Variants in CCDC18 observed in about 807,000 individuals in gnomAD.
CCDC18 encodes coiled-coil domain-containing protein 18.
CCDC18 carries 157 observed loss-of-function variants against 196.0 expected under a neutral mutation model. That is an observed-to-expected ratio of 0.80 (90% CI 0.70 to 0.91). The LOEUF (loss-of-function observed/expected upper bound fraction) is 0.91, where lower values mean the gene tolerates loss of function less well. Ranked by LOEUF, CCDC18 falls within the 40% of genes least tolerant of loss-of-function variation. The pLI is 0.00. For missense variants in CCDC18, 1,465 were observed against 1,611.6 expected, an observed-to-expected ratio of 0.91 and a Z score of 1.56; for synonymous variants, 482 against 529.2, an observed-to-expected ratio of 0.91 and a Z score of 1.22.
chr1:93,270,205 G>A (rs1381243934), intron 27 of CCDC18, 142 bp from the exon 28 acceptor site: 4 of 606,492 alleles, frequency 6.6e-6, no homozygotes, highest in African/African-American at 5.6e-5. Flanking sequence ...TTTAAACAGA[G>A]CTTGGAAAAC....
At chr1:93,271,196 G>A (rs1376823065) in intron 28 of CCDC18, 1 of 985,374 alleles carries the variant, frequency 1.0e-6, no homozygotes, top group Non-Finnish European at 1.2e-6. Context: ...ATAATTTACT[G>A]TTCATTTGGG....
intron 26 of CCDC18, among the ~76,000 whole-genome samples, chr1:93,261,642 A>G (rs1014071517): frequency 3.9e-5 from 6 of 152,162 alleles, no homozygotes; most frequent in African/African-American, 1.4e-4. Flanking sequence ...TGGTCCCCCA[A>G]GCCACATCAA....
intron 23 of CCDC18, among the ~76,000 whole-genome samples, chr1:93,251,277 A>G (rs1197095259): frequency 6.6e-6 from 1 of 152,168 alleles, no homozygotes. Flanking sequence ...TTGGTGTTCC[A>G]ATTAAATTGT....
chr1:93,241,868 T>C (rs1253927522), intron 21 of CCDC18, among the ~76,000 whole-genome samples: 1 of 151,916 alleles, frequency 6.6e-6, no homozygotes, highest in African/African-American at 2.4e-5. Context: ...ATACCAAGGA[T>C]GGTCATTTTT....
chr1:93,259,871 A>G (rs1433896496), intron 26 of CCDC18, among the ~76,000 whole-genome samples: 2 of 152,182 alleles, frequency 1.3e-5, no homozygotes, highest in African/African-American at 4.8e-5. Context: ...CTTTCATTAT[A>G]TGGCCTCTGT....
chr1:93,245,442 T>C lies in CCDC18; in HGVS notation c.2982-663T>C, dbSNP rs142589987. On this transcript the variant is annotated intron_variant, in intron 21 of 28. Transcript: ENST00000690025. ...TTTCATATTTCAGACTGGAAAATCA[T>C]ATGAAGATTTTCAAGATCAACATTT... 5.9e-5 allele frequency among the ~76,000 whole-genome samples: 9 copies of C among 152,266 alleles called. No homozygotes were observed. The East Asian group carries it at 1.7e-3, about 29-fold the overall frequency.
Position 93,270,833 on chromosome 1 carries a change from G to C in CCDC18, c.4353+19G>C. ...AAATCAGGTATGTATTTTATACACT[G>C]TAAACTGTAATAATTTGTTTCCAAA... On this transcript the variant is annotated intron_variant, in intron 28 of 28. Transcript: ENST00000690025. 1 of 1,404,172 alleles carries C rather than the reference G, an allele frequency of 7.1e-7. No homozygotes were observed. The highest frequency in any genetic ancestry group is 9.4e-7 in the Non-Finnish European group (1 of 1,069,370). 87.0% of individuals were successfully genotyped at this position (1,404,172 alleles called of 1,614,324 possible). A position where few individuals can be genotyped will look rare whatever the true frequency, so the allele number is the denominator to read the frequency against.
At chr1:93,265,582 G>A (rs898806520) in intron 27 of CCDC18, among the ~76,000 whole-genome samples, 4 of 152,032 alleles carry the variant, frequency 2.6e-5, no homozygotes, top group Non-Finnish European at 4.4e-5. Context: ...CTCTACAACT[G>A]TTTTGTTAAT....
intron 9 of CCDC18, among the ~76,000 whole-genome samples, chr1:93,209,785 AGGCACAGT>A (rs1242602308): frequency 6.6e-6 from 1 of 152,212 alleles, no homozygotes; most frequent in African/African-American, 2.4e-5. Flanking sequence ...ATATATGGTC[AGGCACAGT>A]GGCTCCTGCT....
chr1:93,231,419 T>C (rs900608070), intron 17 of CCDC18, among the ~76,000 whole-genome samples: 2 of 152,162 alleles, frequency 1.3e-5, no homozygotes, highest in East Asian at 1.9e-4. Context: ...TTTAACTTTA[T>C]AAATTTTTAT....
chr1:93,267,589 G>A (rs1339313051), intron 27 of CCDC18, among the ~76,000 whole-genome samples: 1 of 152,200 alleles, frequency 6.6e-6, no homozygotes, highest in Non-Finnish European at 1.5e-5. Flanking sequence ...CTTCAGCAAA[G>A]TCTCAGGATA....
chr1:93,192,131 A>T (rs752035661), intron 5 of CCDC18, 25 bp downstream of exon 5: 4 of 1,432,908 alleles, frequency 2.8e-6, no homozygotes. Context: ...TATAGCTCTC[A>T]AAGTTTTATT....
At chr1:93,217,229 C>T (rs12088338) in intron 13 of CCDC18, among the ~76,000 whole-genome samples, 26,247 of 152,052 alleles carry the variant, frequency 0.17, 2,497 homozygotes, top group African/African-American at 0.22. Context: ...CCACCGCACC[C>T]GGCCGTTTTC....
At chr1:93,186,027 G>C (rs1346359620) in intron 3 of CCDC18, among the ~76,000 whole-genome samples, 2 of 151,922 alleles carry the variant, frequency 1.3e-5, no homozygotes, top group Non-Finnish European at 2.9e-5. Flanking sequence ...ACGTGAAAAA[G>C]TACAAAAGTT....
intron 25 of CCDC18, among the ~76,000 whole-genome samples, chr1:93,257,244 A>AAAC (rs1557700060): frequency 4.1e-5 from 6 of 144,726 alleles, no homozygotes; most frequent in Non-Finnish European, 7.5e-5. Context: ...AAAAAAAAAA[A>AAAC]AAAAAAAAAA....
intron 17 of CCDC18, among the ~76,000 whole-genome samples, chr1:93,227,196 T>TTTTAGTAGA (rs869252437): frequency 6.9e-6 from 1 of 144,138 alleles, no homozygotes; most frequent in African/African-American, 2.8e-5. Flanking sequence ...TTTTTTTTTT[T>TTTTAGTAGA]GAGATGGAGT....
At chr1:93,200,926 C>A (rs1653721931) in intron 6 of CCDC18, among the ~76,000 whole-genome samples, 1 of 152,196 alleles carries the variant, frequency 6.6e-6, no homozygotes, top group Admixed American at 6.5e-5. Flanking sequence ...TTGATCTGAA[C>A]AGTACCTGTG....
At position 93,264,799 on chromosome 1, in the gene CCDC18, A is replaced by G. The variant is rs774017244; in HGVS notation, c.3783A>G (p.Lys1261=). ...TAAACGAACAGTTAGAGAAGGCAAAATTGGAATTAGAAGAAGCTCAGGATA... is the reference window on the plus strand; with the variant it reads ...TAAACGAACAGTTAGAGAAGGCAAAGTTGGAATTAGAAGAAGCTCAGGATA... ...QQLNEQLEKA[K]LELEEAQDTV... The change falls in exon 27 of 29, where the codon AAA becomes AAG. Residue 1261 remains lysine (K), a synonymous_variant. Transcript: ENST00000690025. The G allele has an allele frequency of 5.5e-5, 88 of 1,613,310 alleles. No homozygotes were observed. Among genetic ancestry groups the G allele is most frequent in the Non-Finnish European group, 7.0e-5 (83 of 1,179,508 alleles).
Position 93,232,572 on chromosome 1 carries a change from T to A in CCDC18, c.2439T>A (p.Thr813=). The A allele has an allele frequency of 6.2e-7, 1 of 1,604,286 alleles. No homozygotes were observed. The highest frequency in any genetic ancestry group is 8.5e-7 in the Non-Finnish European group (1 of 1,176,216). Reference sequence around the variant, plus strand: ...TTAGAAATGGAGAGCTAGAAGATACTCAAACTAAACTTGAAAAACAGGTAT... The same window carrying A: ...TTAGAAATGGAGAGCTAGAAGATACACAAACTAAACTTGAAAAACAGGTAT... ...ETIRNGELED[T]QTKLEKQVSK... is the part of the protein sequence containing the mutation. Residue 813 remains threonine (T), a synonymous_variant, in exon 18 of 29, where the codon ACT becomes ACA. Transcript: ENST00000690025.
Sources: allele counts gnomAD v4.1 joint callset (sites outside exome capture counted in the v4.1 genomes callset), GRCh38; gene constraint gnomAD v4.1.1; transcripts MANE v1.5; gene names NCBI Gene and HGNC (gene_info 2026-07-23, HGNC 2026-07-21).